The following HEATR4 variants were observed in gnomAD, a reference collection of about 807,000 sequenced individuals.
HEATR4 encodes the protein HEAT repeat-containing protein 4.
Under a neutral mutation model 108.8 loss-of-function variants are expected in HEATR4, and 95 were observed. The ratio of observed to expected loss-of-function variants is 0.87; its 90% CI spans 0.74 to 1.04. The LOEUF is 1.04. HEATR4 is among the 50% of genes least tolerant of loss of function. The probability of loss-of-function intolerance (pLI) is 0.00; values close to 1 mark genes in which losing one functional copy is unlikely to be tolerated. For synonymous variants in HEATR4, 443 were observed against 459.4 expected (o/e 0.96, Z 0.46); for missense variants, 1,152 against 1,253.8 (o/e 0.92, Z 1.23).
At chr14:73,488,116 T>C (rs1402412790) in intron 17 of HEATR4, among the ~76,000 whole-genome samples, 1 of 152,156 alleles carries the variant, frequency 6.6e-6, no homozygotes, top group Non-Finnish European at 1.5e-5. Context: ...TAAATTGGCA[T>C]GGGGGCTGAT....
chr14:73,563,099 G>C (rs946183487), upstream of HEATR4, among the ~76,000 whole-genome samples: 4 of 151,904 alleles, frequency 2.6e-5, no homozygotes, highest in African/African-American at 9.7e-5. Context: ...AAAACTTGCT[G>C]GTCTGAGACT....
At chr14:73,513,176 C>T (rs565927982) in intron 6 of HEATR4, among the ~76,000 whole-genome samples, 2 of 152,272 alleles carry the variant, frequency 1.3e-5, no homozygotes, top group South Asian at 4.1e-4. Flanking sequence ...AAGATAGGGT[C>T]GCCTGGGTGC....
At chr14:73,589,848 G>C in the HEATR4 span, among the ~76,000 whole-genome samples, 1 of 152,096 alleles carries the variant, frequency 6.6e-6, no homozygotes, top group Non-Finnish European at 1.5e-5. Flanking sequence ...CCTTCTGGTG[G>C]GTTCGTGGTC....
chr14:73,578,508 C>T, the HEATR4 span, among the ~76,000 whole-genome samples: 443 of 152,176 alleles, frequency 2.9e-3, 1 homozygote, highest in Admixed American at 6.9e-3. Context: ...GGATTATAGG[C>T]ATGAGCAACC....
intron 17 of HEATR4, chr14:73,490,854 A>G: frequency 1.5e-6 from 1 of 672,330 alleles, no homozygotes. Flanking sequence ...ACATTTAATG[A>G]AAGAGAGCGG....
chr14:73,589,047 A>G, the HEATR4 span, among the ~76,000 whole-genome samples: 1 of 152,138 alleles, frequency 6.6e-6, no homozygotes, highest in African/African-American at 2.4e-5. Flanking sequence ...CCCCACCAGA[A>G]TGGTACATTT....
intron 11 of HEATR4, among the ~76,000 whole-genome samples, chr14:73,501,814 C>T (rs902453942): frequency 2.0e-5 from 3 of 151,796 alleles, no homozygotes; most frequent in South Asian, 2.1e-4. Flanking sequence ...AGTACAGTGG[C>T]GTGATCTCCG....
At chr14:73,631,337 G>A in the HEATR4 span, 19,439 of 152,080 alleles carry the variant, frequency 0.13, 1,778 homozygotes, top group African/African-American at 0.27. Flanking sequence ...AGGCTGGGGT[G>A]CAGTGGTGCA....
the HEATR4 span, among the ~76,000 whole-genome samples, chr14:73,584,000 TA>T: frequency 0.12 from 17,732 of 143,452 alleles, 1,619 homozygotes; most frequent in African/African-American, 0.25. Context: ...AATCTCCGTC[TA>T]AAAAAAAAAA....
At chr14:73,578,954 G>A in the HEATR4 span, among the ~76,000 whole-genome samples, 6,416 of 151,742 alleles carry the variant, frequency 0.042, 278 homozygotes, top group African/African-American at 0.11. Context: ...GCGTGATGGC[G>A]GGTGCCTGTA....
At chr14:73,569,494 T>G in the HEATR4 span, 3 of 1,611,976 alleles carry the variant, frequency 1.9e-6, no homozygotes, top group Admixed American at 3.3e-5. Flanking sequence ...CGAATCGCCG[T>G]GCGCGGCCTA....
intron 1 of HEATR4, among the ~76,000 whole-genome samples, chr14:73,540,191 C>G (rs1396738573): frequency 1.3e-5 from 2 of 149,066 alleles, no homozygotes. Flanking sequence ...TTTGTCTTAA[C>G]TTACAAAGTT....
At chr14:73,553,012 C>T (rs1889345769) in intron 1 of HEATR4, among the ~76,000 whole-genome samples, 1 of 115,010 alleles carries the variant, frequency 8.7e-6, no homozygotes. Context: ...GTTCCTGGCT[C>T]ACGGCCTGGC....
the HEATR4 span, chr14:73,612,395 T>A: frequency 2.3e-6 from 1 of 431,562 alleles, no homozygotes; most frequent in Non-Finnish European, 4.0e-6. Flanking sequence ...GGGACACTGG[T>A]GTATTTGCAC....
chr14:73,535,383 T>A (rs1374281988), intron 1 of HEATR4, among the ~76,000 whole-genome samples: 1 of 112,630 alleles, frequency 8.9e-6, no homozygotes, highest in African/African-American at 2.9e-5. Flanking sequence ...TGAGAGACAG[T>A]TAAACATAGT....
chr14:73,569,369 G>C, the HEATR4 span: 6 of 1,613,872 alleles, frequency 3.7e-6, no homozygotes, highest in Admixed American at 1.0e-4. Context: ...GTTCGGCGCA[G>C]TTCCTGGGGT....
the HEATR4 span, among the ~76,000 whole-genome samples, chr14:73,589,760 G>C: frequency 4.9e-3 from 747 of 152,216 alleles, 7 homozygotes; most frequent in African/African-American, 0.017. Context: ...ACAGACCCTC[G>C]CGGAGATGTT....
the HEATR4 span, among the ~76,000 whole-genome samples, chr14:73,577,510 A>T: frequency 2.1e-5 from 3 of 140,058 alleles, no homozygotes; most frequent in Non-Finnish European, 4.6e-5. Flanking sequence ...CCACCCCAAG[A>T]TGCCAGGCCA....
the HEATR4 span, among the ~76,000 whole-genome samples, chr14:73,576,275 T>C: frequency 6.6e-6 from 1 of 152,000 alleles, no homozygotes; most frequent in Non-Finnish European, 1.5e-5. Context: ...GAAGTTAACA[T>C]CTTGCCTATA....
Sources: allele counts gnomAD v4.1 joint callset (sites outside exome capture counted in the v4.1 genomes callset), GRCh38; gene constraint gnomAD v4.1.1; transcripts MANE v1.5; gene names NCBI Gene and HGNC (gene_info 2026-07-23, HGNC 2026-07-21).